The following SATL1 variants were observed in gnomAD, a reference collection of about 807,000 sequenced individuals.
The protein encoded by SATL1 is spermidine/spermine N1-acetyl transferase like 1, also known as spermidine/spermine N(1)-acetyltransferase-like protein 1.
A neutral mutation model predicts 51.8 loss-of-function variants in SATL1; 47 were observed. The ratio of observed to expected loss-of-function variants is 0.91; its 90% CI spans 0.72 to 1.16. The LOEUF is 1.16. Among genes scored for constraint, SATL1 ranks in the 50% most tolerant of loss-of-function variants. The pLI, the probability that SATL1 is intolerant of heterozygous loss-of-function variation, is 0.00. For missense variants in SATL1, 520 were observed against 526.4 expected (o/e 0.99, Z 0.12); for synonymous variants, 176 against 182.4 (o/e 0.97, Z 0.28).
chrX:85,128,276 C>A (rs762585653), intron 2 of SATL1, among the ~76,000 whole-genome samples: 1 of 111,408 alleles, frequency 9.0e-6, no homozygotes, highest in African/African-American at 3.3e-5. Context: ...GTGTAAAAGC[C>A]TTCCTATTTC....
At chrX:85,233,609 A>T (rs751016551) in intron 1 of SATL1, among the ~76,000 whole-genome samples, 1 of 112,244 alleles carries the variant, frequency 8.9e-6, no homozygotes, top group African/African-American at 3.2e-5. Flanking sequence ...AAAAAGAACG[A>T]AGCAGAAGCT....
intron 2 of SATL1, among the ~76,000 whole-genome samples, chrX:85,149,078 G>T (rs189930767): frequency 9.0e-6 from 1 of 111,272 alleles, no homozygotes; most frequent in Admixed American, 9.6e-5. Flanking sequence ...CCCATCTCAC[G>T]TGCAGAGACA....
At chrX:85,148,135 T>A (rs1459387358) in intron 2 of SATL1, among the ~76,000 whole-genome samples, 4 of 111,419 alleles carry the variant, frequency 3.6e-5, no homozygotes, top group Non-Finnish European at 5.7e-5. Context: ...TTAAAGGAGC[T>A]GATGGAGCTG....
intron 2 of SATL1, among the ~76,000 whole-genome samples, chrX:85,182,173 A>G: frequency 9.0e-6 from 1 of 111,264 alleles, no homozygotes; most frequent in Non-Finnish European, 1.9e-5. Flanking sequence ...GTGGTACAGA[A>G]CACTGGAAAT....
chrX:85,121,998 G>A (rs772875734), intron 2 of SATL1, among the ~76,000 whole-genome samples: 43 of 105,856 alleles, frequency 4.1e-4, no homozygotes, highest in Middle Eastern at 9.6e-3. Flanking sequence ...ATTGTCATTT[G>A]TCAGTTTAAA....
At chrX:85,229,162 A>T (rs1366736461) in intron 1 of SATL1, among the ~76,000 whole-genome samples, 1 of 111,964 alleles carries the variant, frequency 8.9e-6, no homozygotes, top group Non-Finnish European at 1.9e-5. Context: ...AAGACACTGG[A>T]TCATTAATAA....
intron 2 of SATL1, among the ~76,000 whole-genome samples, chrX:85,166,915 G>GTATA (rs749160963): frequency 0.012 from 1,017 of 84,117 alleles, 10 homozygotes; most frequent in Middle Eastern, 0.018. Context: ...AGAAAATGGG[G>GTATA]TATATATATA....
At chrX:85,094,026 A>T (rs1168717549) in intron 6 of SATL1, 102 bp downstream of exon 6, 1 of 434,457 alleles carries the variant, frequency 2.3e-6, no homozygotes, top group Admixed American at 3.7e-5. Flanking sequence ...AATAAGTTAC[A>T]TTAACTAAAA....
intron 2 of SATL1, among the ~76,000 whole-genome samples, chrX:85,138,753 G>T (rs1298792493): frequency 9.0e-6 from 1 of 111,280 alleles, no homozygotes; most frequent in Non-Finnish European, 1.9e-5. Flanking sequence ...TGCTGTGAAT[G>T]GGAGTAGAGA....
chrX:85,162,924 G>A (rs145232789), intron 2 of SATL1, among the ~76,000 whole-genome samples: 10,826 of 110,492 alleles, frequency 0.098, 524 homozygotes, highest in South Asian at 0.17. Flanking sequence ...TTTTTGATAC[G>A]CTGTTGGATT....
intron 1 of SATL1, among the ~76,000 whole-genome samples, chrX:85,231,512 A>G (rs1011937406): frequency 8.9e-6 from 1 of 112,340 alleles, no homozygotes; most frequent in Non-Finnish European, 1.9e-5. Context: ...ATTTAACTTC[A>G]TATCACTGAA....
At chrX:85,222,231 T>C (rs1286495047) in intron 2 of SATL1, among the ~76,000 whole-genome samples, 1 of 111,904 alleles carries the variant, frequency 8.9e-6, no homozygotes, top group African/African-American at 3.2e-5. Context: ...TTTCATCTTC[T>C]CTAAAGTGAG....
intron 2 of SATL1, among the ~76,000 whole-genome samples, chrX:85,123,319 G>A (rs67542026): frequency 0.15 from 16,190 of 110,211 alleles, 1,904 homozygotes; most frequent in African/African-American, 0.39. Context: ...CCTCACCAGT[G>A]TCTGTTATTT....
At chrX:85,111,106 A>G (rs1947380874) in intron 2 of SATL1, among the ~76,000 whole-genome samples, 1 of 113,116 alleles carries the variant, frequency 8.8e-6, no homozygotes, top group Non-Finnish European at 1.9e-5. Context: ...ACAAAATCAA[A>G]CAATTTGCAT....
At chrX:85,129,050 C>T (rs964085450) in intron 2 of SATL1, among the ~76,000 whole-genome samples, 1 of 111,794 alleles carries the variant, frequency 8.9e-6, no homozygotes, top group Non-Finnish European at 1.9e-5. Flanking sequence ...GTTACTGTAG[C>T]CTTGTAGTAT....
intron 2 of SATL1, among the ~76,000 whole-genome samples, chrX:85,149,142 CA>C (rs1926346360): frequency 9.1e-6 from 1 of 109,659 alleles, no homozygotes; most frequent in African/African-American, 3.3e-5. Flanking sequence ...AAATGGAAAA[CA>C]AAAAAGGGAG....
At chrX:85,157,884 T>C (rs184189604) in intron 2 of SATL1, among the ~76,000 whole-genome samples, 7 of 111,606 alleles carry the variant, frequency 6.3e-5, no homozygotes, top group Non-Finnish European at 9.4e-5. Context: ...ACCATACCTG[T>C]CCCAATCTAC....
Position 85,119,513 on chromosome X carries a change from G to T in SATL1, c.-312-10233C>A, listed in dbSNP as rs893361116. On this transcript the variant is annotated intron_variant, in intron 2 of 7. Transcript: ENST00000644105. ...CTCATATTTGATGTGCATTTTAATT[G>T]TTTCCCATTTTGTGGCATTAAACAA... Among the ~76,000 whole-genome samples the T allele has an allele frequency of 2.7e-5, 3 of 111,216 alleles. No individual in the cohort carries two copies. The Admixed American group carries it at 2.9e-4, about 11-fold the overall frequency.
intron 2 of SATL1, among the ~76,000 whole-genome samples, chrX:85,221,537 T>A (rs1414511859): frequency 8.9e-6 from 1 of 111,925 alleles, no homozygotes; most frequent in African/African-American, 3.3e-5. Context: ...CACTTACCAC[T>A]CTCCATCTTG....
Sources: gnomAD v4.1 joint callset for allele counts (sites outside exome capture counted in the v4.1 genomes callset) on GRCh38, gnomAD v4.1.1 for gene constraint, MANE v1.5 for transcripts, NCBI Gene and HGNC (gene_info 2026-07-23, HGNC 2026-07-21) for gene names.